NEDD4L: variants seen among roughly 807,000 people sequenced by gnomAD.
NEDD4L encodes the protein E3 ubiquitin-protein ligase NEDD4-like.
Under a neutral mutation model 148.9 loss-of-function variants are expected in NEDD4L, and 54 were observed. The ratio of observed to expected loss-of-function variants is 0.36; its 90% CI spans 0.29 to 0.45. NEDD4L has a LOEUF of 0.45. Ranked by LOEUF, NEDD4L falls within the 20% of genes least tolerant of loss-of-function variation. The pLI, the probability that NEDD4L is intolerant of heterozygous loss-of-function variation, is 1.00. For synonymous variants in NEDD4L, 433 were observed against 440.7 expected (o/e 0.98, Z 0.22); for missense variants, 856 against 1,233.8 (o/e 0.69, Z 4.59).
chr18:58,223,226 T>C (rs866311997), intron 2 of NEDD4L, among the ~76,000 whole-genome samples: 9 of 152,204 alleles, frequency 5.9e-5, no homozygotes, highest in Non-Finnish European at 1.2e-4. Context: ...CTATTGTTTT[T>C]ATGAAAATTT....
intron 4 of NEDD4L, among the ~76,000 whole-genome samples, chr18:58,251,382 C>A (rs1026706049): frequency 1.3e-5 from 2 of 152,024 alleles, no homozygotes; most frequent in African/African-American, 4.8e-5. Flanking sequence ...CAAAAATTAG[C>A]CAGGCATGGT....
intron 1 of NEDD4L, among the ~76,000 whole-genome samples, chr18:58,066,798 C>A (rs1003704613): frequency 2.0e-5 from 3 of 152,030 alleles, no homozygotes; most frequent in Non-Finnish European, 4.4e-5. Context: ...ATGGAAGAAT[C>A]AGGAGGAAGA....
chr18:58,245,498 CAAT>C lies in NEDD4L; in HGVS notation c.195_197del (p.Ile66del). On this transcript the variant is annotated inframe_deletion, in exon 3 of 31. Transcript: ENST00000400345. ...GAACTTGCTTTGGTCCAGACAAAAACAATTAAAAAGGTAGGTGTCGATCTTTAA... is the reference window on the plus strand; with the variant it reads ...GAACTTGCTTTGGTCCAGACAAAAACTAAAAAGGTAGGTGTCGATCTTTAA... 1.3e-6 allele frequency: 2 copies of C among 1,555,622 alleles called. No individual in the cohort carries two copies. Among genetic ancestry groups the C allele is most frequent in the Non-Finnish European group, 1.8e-6 (2 of 1,136,056 alleles).
chr18:58,334,268 C>T (rs1323919238), intron 12 of NEDD4L, among the ~76,000 whole-genome samples: 2 of 152,240 alleles, frequency 1.3e-5, no homozygotes, highest in African/African-American at 4.8e-5. Flanking sequence ...AAGAACTCTT[C>T]TGGGCGACCG....
intron 1 of NEDD4L, among the ~76,000 whole-genome samples, chr18:58,092,233 G>T (rs1399551885): frequency 6.6e-6 from 1 of 152,240 alleles, no homozygotes; most frequent in Non-Finnish European, 1.5e-5. Context: ...GGCAACGTCG[G>T]AGATAAAGGT....
intron 18 of NEDD4L, among the ~76,000 whole-genome samples, chr18:58,351,907 G>A (rs1447751021): frequency 6.6e-6 from 1 of 152,212 alleles, no homozygotes; most frequent in Non-Finnish European, 1.5e-5. Flanking sequence ...CTGCTGAGAA[G>A]TCTGGCCACA....
intron 1 of NEDD4L, among the ~76,000 whole-genome samples, chr18:58,131,247 T>G (rs971311675): frequency 6.6e-6 from 1 of 150,970 alleles, no homozygotes; most frequent in Non-Finnish European, 1.5e-5. Context: ...GGTTTGGTTG[T>G]GATCTAGTGG....
chr18:58,349,705 A>G (rs2043623609), intron 17 of NEDD4L, 91 bp downstream of exon 17: 3 of 976,750 alleles, frequency 3.1e-6, no homozygotes, highest in Admixed American at 1.9e-5. Flanking sequence ...GACCTTCTCT[A>G]TCTCCAGGCT....
rs77700730 is a variant in NEDD4L at position 58,349,324 on chromosome 18, C to T, written c.1576-213C>T. On this transcript the variant is annotated intron_variant, in intron 16 of 30. Transcript: ENST00000400345. Reference sequence around the variant, plus strand: ...CTTTCATGTAAATATTCTTACTCTCCTCTCTCCACCAAGCACAAGAAGGAA... The same window carrying T: ...CTTTCATGTAAATATTCTTACTCTCTTCTCTCCACCAAGCACAAGAAGGAA... Among the ~76,000 whole-genome samples, 2,340 of 152,108 alleles carry T rather than the reference C, an allele frequency of 0.015. 29 individuals carry two copies. Among genetic ancestry groups the T allele is most frequent in the Middle Eastern group, 0.02 (6 of 294 alleles).
chr18:58,354,994 T>C (rs946235029), intron 18 of NEDD4L, among the ~76,000 whole-genome samples: 1 of 152,208 alleles, frequency 6.6e-6, no homozygotes, highest in African/African-American at 2.4e-5. Flanking sequence ...AAACAGCTAG[T>C]GTGCCGCAGG....
chr18:58,232,183 G>A (rs952265258), intron 2 of NEDD4L, among the ~76,000 whole-genome samples: 7 of 152,184 alleles, frequency 4.6e-5, no homozygotes, highest in Middle Eastern at 3.2e-3. Flanking sequence ...GGCAGGGTGT[G>A]TAGGAACAAC....
chr18:58,291,493 C>CT (rs1157920890), intron 5 of NEDD4L, among the ~76,000 whole-genome samples: 4 of 152,296 alleles, frequency 2.6e-5, no homozygotes, highest in South Asian at 2.1e-4. Flanking sequence ...TTTAAATGGA[C>CT]TGATTCCATT....
intron 1 of NEDD4L, among the ~76,000 whole-genome samples, chr18:58,122,285 A>C (rs2030076448): frequency 1.3e-5 from 2 of 152,216 alleles, no homozygotes; most frequent in Admixed American, 1.3e-4. Context: ...GGATCACCTG[A>C]GGTCAGGAGT....
chr18:58,072,313 C>T (rs536767217), intron 1 of NEDD4L, among the ~76,000 whole-genome samples: 1 of 152,120 alleles, frequency 6.6e-6, no homozygotes, highest in South Asian at 2.1e-4. Flanking sequence ...GGCCAAAATC[C>T]TCAGTGCAAT....
chr18:58,091,927 C>T (rs1292740671), intron 1 of NEDD4L, among the ~76,000 whole-genome samples: 1 of 152,186 alleles, frequency 6.6e-6, no homozygotes, highest in African/African-American at 2.4e-5. Flanking sequence ...CACTACATGC[C>T]CTGGGAACTG....
chr18:58,367,769 A>C lies in NEDD4L; in HGVS notation c.2087A>C (p.Asn696Thr). ...SATDNYTLQI[N>T]PNSGLCNEDH... ...AGGGACAACTACACCCTTCAGATCA[A>C]CCCTAATTCAGGCCTCTGTAATGAG... Residue 696 changes from asparagine to threonine, a missense_variant, in exon 22 of 31, where the codon AAC becomes ACC. By Grantham distance (65) the Asn-to-Thr change is moderately conservative. This residue lies in a region of NEDD4L where 286 missense variants were observed against 531.8 expected (regional missense o/e 0.54). Transcript: ENST00000400345. 1 of 1,613,868 alleles carries C rather than the reference A, an allele frequency of 6.2e-7. No individual in the cohort carries two copies. The highest frequency in any genetic ancestry group is 2.2e-5 in the East Asian group (1 of 44,884).
chr18:58,083,291 C>T (rs1289031539), intron 1 of NEDD4L, among the ~76,000 whole-genome samples: 3 of 152,140 alleles, frequency 2.0e-5, no homozygotes, highest in African/African-American at 7.2e-5. Flanking sequence ...ATGATTTATA[C>T]ATTGTTGCAT....
chr18:58,390,359 C>T (rs1008641650), intron 28 of NEDD4L: 56 of 300,382 alleles, frequency 1.9e-4, no homozygotes, highest in South Asian at 1.4e-4. Context: ...TGGTAAGCCT[C>T]GAACACAGAA....
chr18:58,182,762 G>T (rs1364682566), intron 2 of NEDD4L, among the ~76,000 whole-genome samples: 3 of 152,146 alleles, frequency 2.0e-5, no homozygotes, highest in African/African-American at 7.2e-5. Flanking sequence ...GATTACAGGC[G>T]TGAGCCACTG....
Sources: allele counts gnomAD v4.1 joint callset (sites outside exome capture counted in the v4.1 genomes callset), GRCh38; gene constraint gnomAD v4.1.1; regional missense constraint gnomAD v4.1.1; transcripts MANE v1.5; gene names NCBI Gene and HGNC (gene_info 2026-07-23, HGNC 2026-07-21).